Variants in WASF2 observed in about 807,000 individuals in gnomAD.
WASF2 encodes WASP family member 2, also known as actin-binding protein WASF2.
A neutral mutation model predicts 45.0 loss-of-function variants in WASF2; 14 were observed. The observed-to-expected ratio is 0.31, with a 90% CI of 0.21 to 0.49. WASF2 has a LOEUF of 0.49. Among genes scored for constraint, WASF2 ranks in the 20% least tolerant of loss-of-function variants. The probability of loss-of-function intolerance (pLI) is 0.99; values close to 1 mark genes in which losing one functional copy is unlikely to be tolerated. For missense variants in WASF2, 439 were observed against 636.1 expected (o/e 0.69, Z 3.33); for synonymous variants, 200 against 236.3 (o/e 0.85, Z 1.41).
At position 27,418,405 on chromosome 1, in the gene WASF2, T is replaced by G. The variant is rs2016855407; in HGVS notation, c.283A>C (p.Asn95His). The part of the protein sequence containing the change: ...KEEEVSLQGI[N>H]TRKAFRSSTI... ...GAACTTCTGAAGGCTTTTCGGGTGT[T>G]GATTCCTTGCAGTGACACTGAGAGA... Residue 95 changes from asparagine to histidine, a missense_variant, in exon 4 of 9, where the codon AAC (asparagine) becomes CAC (histidine). Physicochemically the swap from Asn to His is moderately conservative, Grantham distance 68. Transcript: ENST00000618852. 6.2e-7 allele frequency: 1 copy of G among 1,614,118 alleles called. No homozygotes were observed. The highest frequency in any genetic ancestry group is 1.3e-5 in the African/African-American group (1 of 74,938).
At position 27,414,727 on chromosome 1, in the gene WASF2, C is replaced by T; in HGVS notation, c.668+106G>A. 1.4e-6 allele frequency: 2 copies of T among 1,463,490 alleles called. No homozygotes were observed. Among genetic ancestry groups the T allele is most frequent in the Non-Finnish European group, 1.8e-6 (2 of 1,084,598 alleles). The allele number at this position is 1,463,490 out of a possible 1,614,324, so 90.7% of individuals were successfully genotyped here. ...TTAACAGTGGTATTGATCTAAGCCA[C>T]AGAGACAGACTTCAGGGGGTGTGAA... On this transcript the variant is annotated intron_variant, in intron 6 of 8. Coordinates refer to ENST00000618852, the MANE Select transcript of WASF2 (RefSeq NM_006990.5). The surrounding 1 kb of genome is among the most constrained non-coding windows in gnomAD (Gnocchi z 4.1).
In WASF2 at chr1:27,428,801, G is replaced by A; in HGVS notation, c.90C>T (p.Asn30=). The A allele has an allele frequency of 6.2e-7, 1 of 1,614,198 alleles. No individual in the cohort carries two copies. The highest frequency in any genetic ancestry group is 8.5e-7 in the Non-Finnish European group (1 of 1,180,038). The change falls in exon 2 of 9, where the codon AAC becomes AAT. Residue 30 remains asparagine (N), a synonymous_variant. Coordinates refer to ENST00000618852, the MANE Select transcript of WASF2 (RefSeq NM_006990.5). ...GTCGGATGACATTTGCCAGGGTGAT[G>A]TTGGTCACGCATTCCAGCTCGCTTC... ...SVRSELECVT[N]ITLANVIRQL...
At chr1:27,421,029 T>G (rs771709514) in intron 2 of WASF2, among the ~76,000 whole-genome samples, 16 of 152,348 alleles carry the variant, frequency 1.1e-4, no homozygotes, top group Non-Finnish European at 1.9e-4. Context: ...ACCTTCCCAG[T>G]ACAACCTGAA....
intron 1 of WASF2, among the ~76,000 whole-genome samples, chr1:27,454,125 G>A (rs1238695767): frequency 1.2e-4 from 11 of 89,276 alleles, no homozygotes; most frequent in East Asian, 3.4e-4. Context: ...ATATATGTGT[G>A]TATATATATA....
At chr1:27,450,658 C>T (rs1331909333) in intron 1 of WASF2, among the ~76,000 whole-genome samples, 1 of 152,018 alleles carries the variant, frequency 6.6e-6, no homozygotes, top group Non-Finnish European at 1.5e-5. Context: ...GCGCCCCACG[C>T]CTGGCTAATT....
chr1:27,440,799 A>G (rs2017213778), intron 1 of WASF2, among the ~76,000 whole-genome samples: 1 of 152,220 alleles, frequency 6.6e-6, no homozygotes, highest in Non-Finnish European at 1.5e-5. Flanking sequence ...TATGTACCAC[A>G]TAACAACATT....
chr1:27,409,235 T>C (rs1229686474), intron 8 of WASF2, among the ~76,000 whole-genome samples: 5 of 151,548 alleles, frequency 3.3e-5, no homozygotes, highest in Non-Finnish European at 7.4e-5. Context: ...CCATCCTGGC[T>C]AACAAAGTAA....
chr1:27,483,107 G>C (rs978784331), intron 1 of WASF2, among the ~76,000 whole-genome samples: 1 of 152,140 alleles, frequency 6.6e-6, no homozygotes, highest in African/African-American at 2.4e-5. Flanking sequence ...GGCCGAGGTG[G>C]GCAAATCACT....
Position 27,468,993 on chromosome 1 carries a change from C to T in WASF2, c.-44+20993G>A, listed in dbSNP as rs139572220. Among the ~76,000 whole-genome samples the T allele has an allele frequency of 4.8e-3, 729 of 151,506 alleles. 6 individuals carry two copies. Among genetic ancestry groups the T allele is most frequent in the African/African-American group, 0.017 (701 of 41,216 alleles). ...TCAATGTATCAACCTTGTCTGAAACCTGATTCAAATAAACCAAATGTTCAG... is the reference window on the plus strand; with the variant it reads ...TCAATGTATCAACCTTGTCTGAAACTTGATTCAAATAAACCAAATGTTCAG... On this transcript the variant is annotated intron_variant, in intron 1 of 8. Coordinates refer to ENST00000618852, the MANE Select transcript of WASF2 (RefSeq NM_006990.5).
At chr1:27,457,176 C>T (rs1189139600) in intron 1 of WASF2, 1 of 152,108 alleles carries the variant, frequency 6.6e-6, no homozygotes, top group African/African-American at 2.4e-5. Context: ...CCACGTCAGA[C>T]CAGGTTTTCT....
intron 1 of WASF2, among the ~76,000 whole-genome samples, chr1:27,489,359 AC>A (rs1177702732): frequency 2.6e-4 from 36 of 136,916 alleles, no homozygotes; most frequent in African/African-American, 9.2e-4. Context: ...ACACACACAC[AC>A]ACACACACAC....
intron 4 of WASF2, among the ~76,000 whole-genome samples, chr1:27,417,431 C>G (rs926032715): frequency 1.3e-5 from 2 of 152,218 alleles, no homozygotes; most frequent in African/African-American, 4.8e-5. Flanking sequence ...CTGAATCTGA[C>G]TGGTGTCCTT....
At position 27,470,214 on chromosome 1, in the gene WASF2, T is replaced by C. The variant is rs959144077; in HGVS notation, c.-44+19772A>G. Among the ~76,000 whole-genome samples, 27 of 152,376 alleles carry C rather than the reference T, an allele frequency of 1.8e-4. 1 individual carries two copies. The Middle Eastern group carries it at 0.01, about 58-fold the overall frequency. On this transcript the variant is annotated intron_variant, in intron 1 of 8. Transcript: ENST00000618852. ...CAGAGCTGGAAAGACAAGTAGGGGC[T>C]AGACCACAGAATCTTAAATATCAGG... is the stretch of plus-strand genomic sequence containing the variant.
chr1:27,456,898 C>G (rs114866072), intron 1 of WASF2, among the ~76,000 whole-genome samples: 3 of 152,070 alleles, frequency 2.0e-5, no homozygotes, highest in East Asian at 1.9e-4. Context: ...CGCCGCCACG[C>G]CCGGCAATTT....
intron 1 of WASF2, among the ~76,000 whole-genome samples, chr1:27,474,782 T>A (rs937665954): frequency 2.4e-4 from 35 of 148,240 alleles, no homozygotes; most frequent in Non-Finnish European, 4.6e-4. Context: ...AAAAAAAAAA[T>A]AAAAATAAAA....
At chr1:27,428,419 T>A (rs1384393374) in intron 2 of WASF2, among the ~76,000 whole-genome samples, 1 of 152,206 alleles carries the variant, frequency 6.6e-6, no homozygotes, top group Non-Finnish European at 1.5e-5. Context: ...CCCAAGATAC[T>A]GCTCTGTGAA....
chr1:27,410,054 G>A lies in WASF2; in HGVS notation c.977C>T (p.Pro326Leu), dbSNP rs762995655. 2.6e-5 allele frequency: 42 copies of A among 1,613,278 alleles called. No homozygotes were observed. The East Asian group carries it at 5.6e-4, about 21-fold the overall frequency. ...AGGTGGGATGCCTATCATTGGAGGCGGAGGTGGCGGAGGGGCAGGTGGTGG... is the reference window on the plus strand; with the variant it reads ...AGGTGGGATGCCTATCATTGGAGGCAGAGGTGGCGGAGGGGCAGGTGGTGG... ...FAPPPAPPPP[P>L]PPMIGIPPPP... The change falls in exon 8 of 9, where the codon CCG becomes CTG. Residue 326 changes from proline (P) to leucine (L), a missense_variant. Physicochemically the swap from Pro to Leu is moderately conservative, Grantham distance 98. This residue lies in a region of WASF2 where 286 missense variants were observed against 373.5 expected (regional missense o/e 0.77). Transcript: ENST00000618852. The surrounding 1 kb of genome is among the most constrained non-coding windows in gnomAD (Gnocchi z 4.2).
intron 1 of WASF2, among the ~76,000 whole-genome samples, chr1:27,433,740 C>T (rs561250643): frequency 1.6e-4 from 24 of 152,298 alleles, no homozygotes; most frequent in African/African-American, 3.8e-4. Flanking sequence ...TCAGCCCCAC[C>T]GGCTGCTCTC....
rs558841774 is a variant in WASF2, at chr1:27,458,107, C to T, written c.-43-29174G>A. ...GGCGGATTGCCTGAGCTCAGGAGTTCGTGACCAGCTTGGGTAACACAGCGA... is the reference window on the plus strand; with the variant it reads ...GGCGGATTGCCTGAGCTCAGGAGTTTGTGACCAGCTTGGGTAACACAGCGA... On this transcript the variant is annotated intron_variant, in intron 1 of 8. Transcript: ENST00000618852. Among the ~76,000 whole-genome samples, 12 of 151,616 alleles carry T rather than the reference C, an allele frequency of 7.9e-5. No homozygotes were observed. The East Asian group carries it at 1.4e-3, about 17-fold the overall frequency.
Sources: gnomAD v4.1 joint callset for allele counts (sites outside exome capture counted in the v4.1 genomes callset) on GRCh38, gnomAD v4.1.1 for gene constraint, gnomAD v4.1.1 regional missense constraint, Gnocchi (gnomAD v3.1) non-coding constraint, MANE v1.5 for transcripts, NCBI Gene and HGNC (gene_info 2026-07-23, HGNC 2026-07-21) for gene names.